Variants in AJAP1 observed in about 807,000 individuals in gnomAD.
The protein encoded by AJAP1 is adherens junctions associated protein 1.
Under a neutral mutation model 35.0 loss-of-function variants are expected in AJAP1, and 5 were observed. The observed-to-expected ratio is 0.14, with a 90% CI of 0.07 to 0.30. AJAP1 has a LOEUF of 0.30. AJAP1 is among the 10% of genes least tolerant of loss of function. The pLI, the probability that AJAP1 is intolerant of heterozygous loss-of-function variation, is 1.00. For missense variants in AJAP1, 586 were observed against 571.0 expected, an observed-to-expected ratio of 1.03 and a Z score of -0.27; for synonymous variants, 284 against 249.3, an observed-to-expected ratio of 1.14 and a Z score of -1.31.
intron 1 of AJAP1, among the ~76,000 whole-genome samples, chr1:4,675,520 G>C (rs575543032): frequency 6.6e-6 from 1 of 152,184 alleles, no homozygotes; most frequent in Non-Finnish European, 1.5e-5. Context: ...ACATAGACCT[G>C]GTTGAATGAC....
chr1:4,748,522 C>G (rs1030119974), intron 2 of AJAP1, among the ~76,000 whole-genome samples: 1 of 151,998 alleles, frequency 6.6e-6, no homozygotes, highest in Non-Finnish European at 1.5e-5. Flanking sequence ...CTGAGGTGGA[C>G]AGATCACCTG....
At chr1:4,744,581 A>G (rs1380742657) in intron 2 of AJAP1, among the ~76,000 whole-genome samples, 1 of 151,612 alleles carries the variant, frequency 6.6e-6, no homozygotes, top group Non-Finnish European at 1.5e-5. Context: ...TGCACACAAC[A>G]TGAAGGGGCA....
At chr1:4,694,805 G>A (rs1263118807) in intron 1 of AJAP1, among the ~76,000 whole-genome samples, 5 of 152,224 alleles carry the variant, frequency 3.3e-5, no homozygotes, top group Non-Finnish European at 7.3e-5. Context: ...GGGCAGCCCT[G>A]GGAGCTTTAG....
At chr1:4,684,246 T>C (rs1436708209) in intron 1 of AJAP1, among the ~76,000 whole-genome samples, 1 of 152,198 alleles carries the variant, frequency 6.6e-6, no homozygotes, top group African/African-American at 2.4e-5. Flanking sequence ...CTGATAATTT[T>C]ACTCGGTGGA....
chr1:4,787,305 G>C lies in AJAP1; in HGVS notation c.*4820G>C. On this transcript the variant is annotated 3_prime_UTR_variant, in exon 6 of 6. Transcript: ENST00000378191. ...AGAGGCAGGAAGAGAGCAGAGCAGA[G>C]TGATGGGGCTGGGGGCAGAGAAGGA... 1 of 204,710 alleles carries C rather than the reference G, an allele frequency of 4.9e-6. No homozygotes were observed. Among genetic ancestry groups the C allele is most frequent in the South Asian group, 6.9e-5 (1 of 14,498 alleles). 12.7% of individuals were successfully genotyped at this position (204,710 alleles called of 1,614,324 possible). A position where few individuals can be genotyped will look rare whatever the true frequency, so the allele number is the denominator to read the frequency against.
At chr1:4,714,848 G>A (rs745832225) in intron 2 of AJAP1, among the ~76,000 whole-genome samples, 31 of 152,172 alleles carry the variant, frequency 2.0e-4, no homozygotes, top group Non-Finnish European at 3.8e-4. Context: ...GAGGAAATGC[G>A]GGGATGATTC....
At chr1:4,759,620 C>T (rs1641519097) in intron 2 of AJAP1, among the ~76,000 whole-genome samples, 1 of 152,120 alleles carries the variant, frequency 6.6e-6, no homozygotes, top group African/African-American at 2.4e-5. Context: ...TGGGTGCCTT[C>T]CTTCCATGGC....
chr1:4,788,678 A>G lies in AJAP1; in HGVS notation c.*6193A>G, dbSNP rs1642207575. The G allele has an allele frequency of 6.6e-6, 1 of 152,288 alleles. No individual in the cohort carries two copies. Among genetic ancestry groups the G allele is most frequent in the African/African-American group, 2.4e-5 (1 of 41,452 alleles). The allele number at this position is 152,288 out of a possible 1,614,324, so 9.4% of individuals were successfully genotyped here. ...GAAGCACTTGAACTTCTCATCTTCC[A>G]TCTTATTTCACTTTGGTTGCAGGGA... On this transcript the variant is annotated 3_prime_UTR_variant, in exon 6 of 6. Transcript: ENST00000378191.
chr1:4,673,362 C>T (rs1266976935), intron 1 of AJAP1, among the ~76,000 whole-genome samples: 7 of 152,208 alleles, frequency 4.6e-5, no homozygotes, highest in Non-Finnish European at 8.8e-5. Context: ...TTCTCATTTC[C>T]TCTCTCTTTC....
intron 5 of AJAP1, among the ~76,000 whole-genome samples, chr1:4,778,931 C>G (rs1641993117): frequency 6.6e-6 from 1 of 152,188 alleles, no homozygotes; most frequent in African/African-American, 2.4e-5. Context: ...GGGCCAGGCA[C>G]AGAACTGGAA....
intron 1 of AJAP1, among the ~76,000 whole-genome samples, chr1:4,686,614 A>G (rs1639612791): frequency 6.6e-6 from 1 of 152,204 alleles, no homozygotes; most frequent in South Asian, 2.1e-4. Flanking sequence ...AGCTTTGCCG[A>G]GCAGGAGGCC....
chr1:4,786,127 A>G lies in AJAP1; in HGVS notation c.*3642A>G, dbSNP rs548148510. ...CCATTGGGCTCAGATTCCAGCCATT[A>G]CCGAGACAAATCCAAGCCTTCTCAC... On this transcript the variant is annotated 3_prime_UTR_variant, in exon 6 of 6. Transcript: ENST00000378191. The G allele has an allele frequency of 6.6e-6, 1 of 152,246 alleles. No individual in the cohort carries two copies. The highest frequency in any genetic ancestry group is 2.1e-4 in the South Asian group (1 of 4,810). The allele number at this position is 152,246 out of a possible 1,614,324, so 9.4% of individuals were successfully genotyped here.
chr1:4,680,367 A>C (rs1639455536), intron 1 of AJAP1, among the ~76,000 whole-genome samples: 1 of 152,130 alleles, frequency 6.6e-6, no homozygotes, highest in South Asian at 2.1e-4. Flanking sequence ...ATCCAATATG[A>C]CCTCATCTTA....
At chr1:4,689,614 C>T (rs1417989128) in intron 1 of AJAP1, among the ~76,000 whole-genome samples, 2 of 152,206 alleles carry the variant, frequency 1.3e-5, no homozygotes, top group East Asian at 1.9e-4. Flanking sequence ...GGGTGAGAAG[C>T]ACCATGACAG....
intron 2 of AJAP1, among the ~76,000 whole-genome samples, chr1:4,745,941 C>T (rs1259804384): frequency 1.3e-5 from 2 of 152,214 alleles, no homozygotes; most frequent in African/African-American, 2.4e-5. Context: ...GTCTCAGCCT[C>T]TCCCAGCCTC....
intron 2 of AJAP1, among the ~76,000 whole-genome samples, chr1:4,754,732 T>C (rs1570198866): frequency 6.6e-6 from 1 of 152,234 alleles, no homozygotes; most frequent in South Asian, 2.1e-4. Flanking sequence ...CTTGGAAACA[T>C]GGATTAAGAC....
In AJAP1 at chr1:4,786,682, C is replaced by T. The variant is rs1208487416; in HGVS notation, c.*4197C>T. ...TATTTTACCCTTTTGCTTCTTTGCTCAGGTGGTCCAGGGTTGTCTGTAGCC... is the reference window on the plus strand; with the variant it reads ...TATTTTACCCTTTTGCTTCTTTGCTTAGGTGGTCCAGGGTTGTCTGTAGCC... On this transcript the variant is annotated 3_prime_UTR_variant, in exon 6 of 6. Transcript: ENST00000378191. 3 of 152,184 alleles carry T rather than the reference C, an allele frequency of 2.0e-5. No individual in the cohort carries two copies. Among genetic ancestry groups the T allele is most frequent in the Non-Finnish European group, 4.4e-5 (3 of 68,048 alleles). The allele number at this position is 152,184 out of a possible 1,614,324, so 9.4% of individuals were successfully genotyped here.
At chr1:4,708,059 C>G (rs1284664958) in intron 1 of AJAP1, among the ~76,000 whole-genome samples, 4 of 151,358 alleles carry the variant, frequency 2.6e-5, no homozygotes, top group African/African-American at 9.7e-5. Context: ...CCTCCGCCTC[C>G]TGGGTTCAAG....
At position 4,712,184 on chromosome 1, in the gene AJAP1, G is replaced by A. The variant is rs867387769; in HGVS notation, c.314G>A (p.Arg105Gln). The A allele has an allele frequency of 3.2e-6, 5 of 1,564,718 alleles. No individual in the cohort carries two copies. The highest frequency in any genetic ancestry group is 1.4e-5 in the African/African-American group (1 of 73,550). ...MPRARRAHRP[R>Q]DQAAALVPKA... ...CGAGCCAGACGGGCCCACAGGCCCC[G>A]GGACCAGGCGGCCGCCCTCGTGCCC... is the stretch of plus-strand genomic sequence containing the variant. Residue 105 changes from arginine to glutamine, a missense_variant, in exon 2 of 6, where the codon CGG becomes CAG. Coordinates refer to ENST00000378191, the MANE Select transcript of AJAP1 (RefSeq NM_018836.4).
Sources: allele counts gnomAD v4.1 joint callset (sites outside exome capture counted in the v4.1 genomes callset), GRCh38; gene constraint gnomAD v4.1.1; transcripts MANE v1.5; gene names NCBI Gene and HGNC (gene_info 2026-07-23, HGNC 2026-07-21).